Variants in TECTA observed in about 807,000 individuals in gnomAD.
TECTA encodes alpha-tectorin.
In TECTA, 128 loss-of-function variants were observed where a neutral mutation model predicts 216.8. The observed-to-expected ratio is 0.59, with a 90% confidence interval of 0.51 to 0.68. The LOEUF (loss-of-function observed/expected upper bound fraction) is 0.68, where lower values mean the gene tolerates loss of function less well. Ranked by LOEUF, TECTA falls within the 30% of genes least tolerant of loss-of-function variation. TECTA has a pLI of 0.00. For synonymous variants in TECTA, 1,089 were observed against 1,117.1 expected (o/e 0.97, Z 0.50); for missense variants, 2,551 against 2,786.2 (o/e 0.92, Z 1.90).
chr11:121,125,749 G>A lies in TECTA; in HGVS notation c.1651G>A (p.Val551Met), dbSNP rs200857366. 524 of 1,614,184 alleles carry A rather than the reference G, an allele frequency of 3.2e-4. 1 individual carries two copies. Among genetic ancestry groups the A allele is most frequent in the Non-Finnish European group, 2.3e-4 (267 of 1,180,026 alleles). ...VDPTAFVHSCVYDLCSVRDNG... is the reference protein window; with the variant it reads ...VDPTAFVHSCMYDLCSVRDNG... ...CCCCACTGCTTTTGTGCACAGCTGCGTGTATGACCTGTGCAGTGTGAGGGA... is the reference window on the plus strand; with the variant it reads ...CCCCACTGCTTTTGTGCACAGCTGCATGTATGACCTGTGCAGTGTGAGGGA... Residue 551 changes from valine (V) to methionine (M), a missense_variant, in exon 8 of 24, where the codon GTG becomes ATG. This residue lies in a region of TECTA where 2,375 missense variants were observed against 2,563.9 expected (regional missense o/e 0.93). Coordinates refer to ENST00000392793, the MANE Select transcript of TECTA (RefSeq NM_005422.4).
chr11:121,169,626 T>A (rs1423469185), intron 20 of TECTA, among the ~76,000 whole-genome samples: 1 of 152,246 alleles, frequency 6.6e-6, no homozygotes, highest in Non-Finnish European at 1.5e-5. Flanking sequence ...AGTGTAAAAA[T>A]CAATGGTTTT....
intron 12 of TECTA, among the ~76,000 whole-genome samples, chr11:121,151,729 T>C (rs1020911035): frequency 6.6e-6 from 1 of 152,252 alleles, no homozygotes; most frequent in Non-Finnish European, 1.5e-5. Context: ...AGAGTGGTTA[T>C]ATGAATCAAT....
At chr11:121,157,305 T>G (rs1379239530) in intron 13 of TECTA, among the ~76,000 whole-genome samples, 2 of 152,128 alleles carry the variant, frequency 1.3e-5, no homozygotes, top group African/African-American at 2.4e-5. Context: ...GAGTTCTTGA[T>G]TAAAATCAAT....
Position 121,187,984 on chromosome 11 carries a change from C to T in TECTA, c.6152C>T (p.Ser2051Phe), listed in dbSNP as rs1064797163. The T allele has an allele frequency of 1.2e-6, 2 of 1,614,144 alleles. No homozygotes were observed. Among genetic ancestry groups the T allele is most frequent in the Non-Finnish European group, 1.7e-6 (2 of 1,180,026 alleles). ...AVSLCDSEKY[S>F]CKITCPHNSR... ...TCACTCTGCGACTCAGAAAAGTACT[C>T]CTGTAAAATCGTAAGTGAGAGTGTG... The change falls in exon 21 of 24, where the codon TCC becomes TTC. Residue 2051 changes from serine to phenylalanine, a missense_variant. Transcript: ENST00000392793.
In TECTA at chr11:121,109,207, G is replaced by T. The variant is rs373736415; in HGVS notation, c.199-4G>T. 6.2e-6 allele frequency: 10 copies of T among 1,614,006 alleles called. No individual in the cohort carries two copies. Among genetic ancestry groups the T allele is most frequent in the Non-Finnish European group, 7.6e-6 (9 of 1,179,984 alleles). ...ACTGTGCAAAACCTCTCTTATTTTC[G>T]TAGGTCAATAACAACGGAGTTGTTT... On this transcript the variant is annotated splice_polypyrimidine_tract_variant and splice_region_variant and intron_variant, in intron 3 of 23. Coordinates refer to ENST00000392793, the MANE Select transcript of TECTA (RefSeq NM_005422.4).
intron 6 of TECTA, among the ~76,000 whole-genome samples, chr11:121,116,894 T>C (rs895670205): frequency 2.0e-5 from 3 of 152,224 alleles, no homozygotes; most frequent in African/African-American, 7.2e-5. Context: ...AGGACCTGTT[T>C]TCAGGGCTGA....
intron 4 of TECTA, among the ~76,000 whole-genome samples, chr11:121,111,475 G>A (rs1017378156): frequency 5.9e-5 from 9 of 152,212 alleles, no homozygotes; most frequent in African/African-American, 2.2e-4. Flanking sequence ...GAAGAATTCT[G>A]TAGTGTGAGA....
intron 22 of TECTA, 36 bp from the exon 23 acceptor site, chr11:121,189,728 T>G (rs373125585): frequency 9.9e-5 from 157 of 1,583,236 alleles, no homozygotes; most frequent in Non-Finnish European, 1.3e-4. Flanking sequence ...AGGGTTGAAC[T>G]GTCTGTAGTT....
At chr11:121,104,876 G>C (rs913244841) in intron 2 of TECTA, among the ~76,000 whole-genome samples, 1 of 152,080 alleles carries the variant, frequency 6.6e-6, no homozygotes, top group African/African-American at 2.4e-5. Flanking sequence ...GGGAGAAAAC[G>C]ATAGTGTCCT....
chr11:121,158,062 C>T lies in TECTA; in HGVS notation c.4527C>T (p.Cys1509=), dbSNP rs727503464. ...CCTTCCTGCGCTTCCCAGCCAACTG[C>T]GCCTTCGTGCTGTCCACCATCTGCC... ...DGAFLRFPAN[C]AFVLSTICQK... Residue 1509 remains cysteine, a synonymous_variant, in exon 14 of 24, where the codon TGC becomes TGT. Transcript: ENST00000392793. 40 of 1,613,584 alleles carry T rather than the reference C, an allele frequency of 2.5e-5. No homozygotes were observed. In the Admixed American group the frequency reaches 4.0e-4, roughly 16 times the overall value.
chr11:121,183,228 G>C (rs1381712042), intron 20 of TECTA, among the ~76,000 whole-genome samples: 2 of 152,170 alleles, frequency 1.3e-5, no homozygotes, highest in African/African-American at 4.8e-5. Context: ...TGAAGAAGCA[G>C]GGGATGTTGG....
chr11:121,113,841 G>A lies in TECTA; in HGVS notation c.790+123G>A. 8.6e-7 allele frequency: 1 copy of A among 1,164,280 alleles called. No homozygotes were observed. Among genetic ancestry groups the A allele is most frequent in the Admixed American group, 2.0e-5 (1 of 51,024 alleles). The allele number at this position is 1,164,280 out of a possible 1,614,324, so 72.1% of individuals were successfully genotyped here. On this transcript the variant is annotated intron_variant, in intron 6 of 23. Coordinates refer to ENST00000392793, the MANE Select transcript of TECTA (RefSeq NM_005422.4). This position sits in a 1 kb window ranked among gnomAD's most constrained non-coding sequence, Gnocchi z 4.2. ...TTACTCTTTTGACATCTCTCCGCTG[G>A]GTAATGGAGATCAAGGTAATTTTAG...
chr11:121,150,076 A>C (rs1399571063), intron 12 of TECTA, among the ~76,000 whole-genome samples: 2 of 152,360 alleles, frequency 1.3e-5, no homozygotes, highest in Admixed American at 1.3e-4. Context: ...GCAGACCTTC[A>C]GTCACTGTTA....
At position 121,125,570 on chromosome 11, in the gene TECTA, G is replaced by T. The variant is rs760011660; in HGVS notation, c.1472G>T (p.Arg491Leu). The T allele has an allele frequency of 2.5e-6, 4 of 1,614,156 alleles. No individual in the cohort carries two copies. The highest frequency in any genetic ancestry group is 3.4e-6 in the Non-Finnish European group (4 of 1,180,040). The change falls in exon 8 of 24, where the codon CGT becomes CTT. Residue 491 changes from arginine (R) to leucine (L), a missense_variant. By Grantham distance (102) the Arg-to-Leu change is moderately radical (BLOSUM62 -2). Coordinates refer to ENST00000392793, the MANE Select transcript of TECTA (RefSeq NM_005422.4). ...MSVLDLGESWRVYHADWKCDS... is the reference protein window; with the variant it reads ...MSVLDLGESWLVYHADWKCDS... ...GTCCTGGATCTGGGAGAGAGCTGGCGTGTGTACCACGCAGACTGGAAGTGC... is the reference window on the plus strand; with the variant it reads ...GTCCTGGATCTGGGAGAGAGCTGGCTTGTGTACCACGCAGACTGGAAGTGC...
Position 121,125,337 on chromosome 11 carries a change from AGACTTG to A in TECTA, c.1241_1246del (p.Asp414_Leu415del). 6.2e-7 allele frequency: 1 copy of A among 1,614,052 alleles called. No individual in the cohort carries two copies. Among genetic ancestry groups the A allele is most frequent in the Non-Finnish European group, 8.5e-7 (1 of 1,180,032 alleles). Reference sequence around the variant, plus strand: ...TAGTGACTTCTTTGCCTGTCACCTTAGACTTGGGGACAGTGAAAATCTACCAGAGTG... The same window carrying A: ...TAGTGACTTCTTTGCCTGTCACCTTAGGGACAGTGAAAATCTACCAGAGTG... On this transcript the variant is annotated inframe_deletion, in exon 8 of 24. Coordinates refer to ENST00000392793, the MANE Select transcript of TECTA (RefSeq NM_005422.4).
In TECTA at chr11:121,129,795, TC is replaced by T; in HGVS notation, c.2526del (p.Phe842LeufsTer52). The T allele has an allele frequency of 6.2e-7, 1 of 1,614,160 alleles. No individual in the cohort carries two copies. The highest frequency in any genetic ancestry group is 8.5e-7 in the Non-Finnish European group (1 of 1,180,034). On this transcript the variant is annotated frameshift_variant, in exon 10 of 24. Coordinates refer to ENST00000392793, the MANE Select transcript of TECTA (RefSeq NM_005422.4). LOFTEE classifies it high-confidence loss of function. ...LLYIRLSTTYFNCTGGLCGFY... is the reference protein window; with the variant it reads ...LLYIRLSTTYXNCTGGLCGFY... ...TACATCCGGCTGTCCACCACATACT[TC>T]AATTGCACAGGGGGCTTGTGCGGCT...
intron 12 of TECTA, among the ~76,000 whole-genome samples, chr11:121,152,479 A>G (rs1242609957): frequency 6.6e-6 from 1 of 152,244 alleles, no homozygotes; most frequent in African/African-American, 2.4e-5. Flanking sequence ...GAAGAAGGGC[A>G]TGAATAAGAA....
intron 20 of TECTA, among the ~76,000 whole-genome samples, chr11:121,171,905 T>TC (rs1947116005): frequency 6.6e-6 from 1 of 152,202 alleles, no homozygotes; most frequent in South Asian, 2.1e-4. Context: ...CTTTTATTTT[T>TC]CTCTCTTGCT....
chr11:121,187,654 A>G (rs1216082770), intron 20 of TECTA, among the ~76,000 whole-genome samples, 178 bp from the exon 21 acceptor site: 3 of 152,258 alleles, frequency 2.0e-5, no homozygotes, highest in Non-Finnish European at 4.4e-5. Flanking sequence ...CTATGAAAAC[A>G]TGAGGGAGTG....
Sources: allele counts gnomAD v4.1 joint callset (sites outside exome capture counted in the v4.1 genomes callset), GRCh38; gene constraint gnomAD v4.1.1; regional missense constraint gnomAD v4.1.1; non-coding constraint Gnocchi (gnomAD v3.1); transcripts MANE v1.5; gene names NCBI Gene and HGNC (gene_info 2026-07-23, HGNC 2026-07-21).